DSCAM: variants seen among roughly 807,000 people sequenced by gnomAD.
DSCAM encodes the protein DS cell adhesion molecule, also known as cell adhesion molecule DSCAM.
DSCAM carries 47 observed loss-of-function variants against 217.7 expected under a neutral mutation model. The observed-to-expected ratio is 0.22, with a 90% CI of 0.17 to 0.28. DSCAM has a LOEUF of 0.28. Among genes scored for constraint, DSCAM ranks in the 10% least tolerant of loss-of-function variants. DSCAM has a pLI of 1.00. For synonymous variants in DSCAM, 1,056 were observed against 1,015.3 expected, an observed-to-expected ratio of 1.04 and a Z score of -0.76; for missense variants, 2,080 against 2,618.3, an observed-to-expected ratio of 0.79 and a Z score of 4.49.
intron 2 of DSCAM, among the ~76,000 whole-genome samples, chr21:40,698,865 G>A (rs1348626208): frequency 2.2e-4 from 23 of 106,750 alleles, no homozygotes; most frequent in African/African-American, 7.0e-4. Flanking sequence ...GCGAGAATCC[G>A]TCTTAAAAAA....
intron 30 of DSCAM, among the ~76,000 whole-genome samples, chr21:40,050,515 C>A (rs975657802): frequency 1.3e-5 from 2 of 151,758 alleles, no homozygotes; most frequent in South Asian, 4.2e-4. Context: ...CAGAGTCTCG[C>A]TCTGTCGTCC....
chr21:40,294,766 T>C (rs1313254143), intron 10 of DSCAM, among the ~76,000 whole-genome samples: 1 of 152,196 alleles, frequency 6.6e-6, no homozygotes, highest in African/African-American at 2.4e-5. Flanking sequence ...TGTTTCCATG[T>C]AATAATGCAC....
At position 40,525,009 on chromosome 21, in the gene DSCAM, C is replaced by CAA. The variant is rs58427418; in HGVS notation, c.509-155766_509-155765dup. Among the ~76,000 whole-genome samples, 56 of 55,822 alleles carry CAA rather than the reference C, an allele frequency of 1.0e-3. 3 individuals carry two copies. Among genetic ancestry groups the CAA allele is most frequent in the South Asian group, 6.1e-3 (8 of 1,308 alleles). 36.6% of individuals were successfully genotyped at this position (55,822 alleles called of 152,430 possible). A position where few individuals can be genotyped will look rare whatever the true frequency, so the allele number is the denominator to read the frequency against. ...TGGGCAACAGAGTGAGACTCAGTCTCAAAAAAAAAAAAAAAAAAAAAATCC... is the reference window on the plus strand; with the variant it reads ...TGGGCAACAGAGTGAGACTCAGTCTCAAAAAAAAAAAAAAAAAAAAAAAATCC... On this transcript the variant is annotated intron_variant, in intron 3 of 32. Transcript: ENST00000400454.
chr21:40,411,331 T>C (rs569643390), intron 3 of DSCAM, among the ~76,000 whole-genome samples: 6 of 152,074 alleles, frequency 3.9e-5, no homozygotes, highest in Non-Finnish European at 7.4e-5. Context: ...CAATGAAATA[T>C]GGACTTAATC....
In DSCAM at chr21:40,189,304, A is replaced by C. The variant is rs186176912; in HGVS notation, c.2357-66T>G. 3.9e-4 allele frequency: 491 copies of C among 1,262,992 alleles called. No homozygotes were observed. The African/African-American group carries it at 4.9e-3, about 13-fold the overall frequency. The allele number at this position is 1,262,992 out of a possible 1,614,324, so 78.2% of individuals were successfully genotyped here. On this transcript the variant is annotated intron_variant, in intron 11 of 32. Transcript: ENST00000400454. ...GGTTCTTGATTTTCCCTGGCAAAACACTCAGGTAAACCATGCTTCAAGAGA... is the reference window on the plus strand; with the variant it reads ...GGTTCTTGATTTTCCCTGGCAAAACCCTCAGGTAAACCATGCTTCAAGAGA...
At position 40,276,229 on chromosome 21, in the gene DSCAM, G is replaced by A. The variant is rs1284778601; in HGVS notation, c.2224C>T (p.Arg742Ter). 1 of 1,610,678 alleles carries A rather than the reference G, an allele frequency of 6.2e-7. No homozygotes were observed. The highest frequency in any genetic ancestry group is 2.2e-5 in the East Asian group (1 of 44,792). The change falls in exon 11 of 33, where the codon CGA (arginine) becomes TGA (stop). Residue 742 changes from arginine to a stop codon, truncating the protein, a stop_gained. Coordinates refer to ENST00000400454, the MANE Select transcript of DSCAM (RefSeq NM_001389.5). LOFTEE classifies it high-confidence loss of function. ...GACCCATTGCTGAGAACTTGGATTCGGCCATTTAGGGCAATTGGCTGGAAC... is the reference window on the plus strand; with the variant it reads ...GACCCATTGCTGAGAACTTGGATTCAGCCATTTAGGGCAATTGGCTGGAAC... ...PQFQPIALNGRIQVLSNGSLL... is the reference protein window; with the variant it reads ...PQFQPIALNG
intron 32 of DSCAM, among the ~76,000 whole-genome samples, chr21:40,014,371 CAG>C (rs1426855576): frequency 6.6e-6 from 1 of 151,740 alleles, no homozygotes; most frequent in African/African-American, 2.4e-5. Context: ...GCCTGGGTGA[CAG>C]AGCAAGACTC....
At chr21:40,220,284 A>C (rs2091279203) in intron 11 of DSCAM, among the ~76,000 whole-genome samples, 1 of 152,174 alleles carries the variant, frequency 6.6e-6, no homozygotes, top group South Asian at 2.1e-4. Context: ...TCGAGTGGCT[A>C]TTTCCAAACG....
intron 3 of DSCAM, among the ~76,000 whole-genome samples, chr21:40,500,259 C>A (rs1370328865): frequency 6.6e-6 from 1 of 152,116 alleles, no homozygotes; most frequent in Admixed American, 6.5e-5. Flanking sequence ...CTGAAGAAAG[C>A]CCTTTAAATA....
At chr21:40,632,685 G>T (rs530312973) in intron 3 of DSCAM, among the ~76,000 whole-genome samples, 1 of 152,280 alleles carries the variant, frequency 6.6e-6, no homozygotes, top group African/African-American at 2.4e-5. Flanking sequence ...AAATGCAAGA[G>T]GTCTCACTCA....
chr21:40,039,833 G>C lies in DSCAM; in HGVS notation c.5686+2538C>G, dbSNP rs1037866274. On this transcript the variant is annotated intron_variant, in intron 32 of 32. Transcript: ENST00000400454. ...TACTGAAGACAGAAAAAATAAAAAG[G>C]GAAAGAGAAAAAAAGGACCATCAGA... 2.6e-5 allele frequency among the ~76,000 whole-genome samples: 4 copies of C among 151,974 alleles called. 1 individual carries two copies. The highest frequency in any genetic ancestry group is 4.2e-4 in the South Asian group (2 of 4,818).
chr21:40,620,254 G>A (rs201540712), intron 3 of DSCAM, among the ~76,000 whole-genome samples: 6 of 67,232 alleles, frequency 8.9e-5, no homozygotes, highest in East Asian at 3.4e-4. Flanking sequence ...GAAAGAGAGA[G>A]AAAAAAGAAA....
chr21:40,018,692 T>TC (rs1374028402), intron 32 of DSCAM, among the ~76,000 whole-genome samples: 1 of 152,210 alleles, frequency 6.6e-6, no homozygotes, highest in Non-Finnish European at 1.5e-5. Context: ...ACTCATAATA[T>TC]CTGCATCCTG....
At chr21:40,225,992 G>A (rs2837517) in intron 11 of DSCAM, among the ~76,000 whole-genome samples, 63,137 of 152,050 alleles carry the variant, frequency 0.42, 15,187 homozygotes, top group East Asian at 0.57. Context: ...GTTTGATAAA[G>A]ACTTTCTACA....
intron 1 of DSCAM, among the ~76,000 whole-genome samples, chr21:40,767,567 C>T (rs2091404372): frequency 6.6e-6 from 1 of 152,132 alleles, no homozygotes; most frequent in Admixed American, 6.5e-5. Context: ...ATGCAAAGAC[C>T]ATGTGTGCTA....
intron 11 of DSCAM, among the ~76,000 whole-genome samples, chr21:40,254,977 C>T (rs1323964785): frequency 6.6e-6 from 1 of 152,068 alleles, no homozygotes; most frequent in African/African-American, 2.4e-5. Flanking sequence ...AAATTATAAG[C>T]TCCGTGTGGG....
chr21:40,613,652 C>G (rs540699994), intron 3 of DSCAM, among the ~76,000 whole-genome samples: 6 of 152,092 alleles, frequency 3.9e-5, no homozygotes, highest in East Asian at 1.9e-4. Context: ...ACTGCTGAGA[C>G]GAGCTATTAC....
intron 3 of DSCAM, among the ~76,000 whole-genome samples, chr21:40,530,814 G>A (rs2076438092): frequency 6.6e-6 from 1 of 151,838 alleles, no homozygotes; most frequent in South Asian, 2.1e-4. Context: ...TCTTCACTCT[G>A]TCCACATCCG....
At chr21:40,460,837 C>T (rs1212885299) in intron 3 of DSCAM, among the ~76,000 whole-genome samples, 1 of 152,136 alleles carries the variant, frequency 6.6e-6, no homozygotes, top group African/African-American at 2.4e-5. Context: ...AATACACATT[C>T]TCATAGTACT....
Sources: gnomAD v4.1 joint callset for allele counts (sites outside exome capture counted in the v4.1 genomes callset) on GRCh38, gnomAD v4.1.1 for gene constraint, MANE v1.5 for transcripts, NCBI Gene and HGNC (gene_info 2026-07-23, HGNC 2026-07-21) for gene names.